LIG1: variants seen among roughly 807,000 people sequenced by gnomAD.
The protein encoded by LIG1 is ligase I, DNA, ATP-dependent.
Under a neutral mutation model 115.7 loss-of-function variants are expected in LIG1, and 70 were observed. The ratio of observed to expected loss-of-function variants is 0.60; its 90% CI spans 0.50 to 0.74. The LOEUF (loss-of-function observed/expected upper bound fraction) is 0.74. Ranked by LOEUF, LIG1 falls within the 30% of genes least tolerant of loss-of-function variation. The probability of loss-of-function intolerance (pLI) is 0.00; values close to 1 mark genes in which losing one functional copy is unlikely to be tolerated. For synonymous variants in LIG1, 487 were observed against 495.3 expected (o/e 0.98, Z 0.22); for missense variants, 1,115 against 1,225.6 (o/e 0.91, Z 1.35).
At chr19:48,150,005 C>A in intron 8 of LIG1, 83 bp downstream of exon 8, 1 of 1,605,080 alleles carries the variant, frequency 6.2e-7, no homozygotes, top group Non-Finnish European at 8.5e-7. Context: ...AGGGTCTTCG[C>A]AGCATCTCAG....
chr19:48,154,053 C>A, intron 5 of LIG1, 86 bp from the exon 6 acceptor site: 1 of 1,083,650 alleles, frequency 9.2e-7, no homozygotes, highest in Non-Finnish European at 1.4e-6. Context: ...GATGTAGCCT[C>A]TGGAAGGCTC....
chr19:48,150,338 T>G, intron 7 of LIG1, 128 bp from the exon 8 acceptor site: 1 of 1,384,250 alleles, frequency 7.2e-7, no homozygotes, highest in East Asian at 2.3e-5. Context: ...CCCTTTTCCT[T>G]TCTGTTAGCT....
intron 11 of LIG1, among the ~76,000 whole-genome samples, chr19:48,142,251 C>G (rs1415196563): frequency 6.6e-6 from 1 of 151,942 alleles, no homozygotes; most frequent in Non-Finnish European, 1.5e-5. Context: ...TCCTGGCTAA[C>G]ACAGTGAAAC....
chr19:48,162,916 T>C (rs921073838), intron 2 of LIG1, among the ~76,000 whole-genome samples: 6 of 118,370 alleles, frequency 5.1e-5, no homozygotes, highest in African/African-American at 1.7e-4. Context: ...CTATGCACTT[T>C]TTAAATCTTT....
In LIG1 at chr19:48,122,740, A is replaced by T. The variant is rs1234450461; in HGVS notation, c.2232+194T>A. ...GGTGCTTGGGCTGGGGCTGTTCTCC[A>T]TCAGAACTCGTGAGCAAGGGCTCGC... On this transcript the variant is annotated intron_variant, in intron 23 of 27. Coordinates refer to ENST00000263274, the MANE Select transcript of LIG1 (RefSeq NM_000234.3). The surrounding 1 kb of genome is among the most constrained non-coding windows in gnomAD (Gnocchi z 4.3). Among the ~76,000 whole-genome samples the T allele has an allele frequency of 6.6e-6, 1 of 152,108 alleles. No individual in the cohort carries two copies. The highest frequency in any genetic ancestry group is 1.5e-5 in the Non-Finnish European group (1 of 68,008).
rs34824188 is a variant in LIG1 at position 48,165,709 on chromosome 19, G to GAAA, written c.-57-89_-57-87dup. 5,139 of 782,704 alleles carry GAAA rather than the reference G, an allele frequency of 6.6e-3. 1 individual carries two copies. The highest frequency in any genetic ancestry group is 7.3e-3 in the South Asian group (448 of 61,174). 48.5% of individuals were successfully genotyped at this position (782,704 alleles called of 1,614,324 possible). A position where few individuals can be genotyped will look rare whatever the true frequency, so the allele number is the denominator to read the frequency against. On this transcript the variant is annotated intron_variant, in intron 1 of 27. Coordinates refer to ENST00000263274, the MANE Select transcript of LIG1 (RefSeq NM_000234.3). The stretch of plus-strand genomic sequence containing the variant: ...TAAAACCCTTTCTTTAAGAAAGAAA[G>GAAA]AAAAAAAAAAACAGAAACATGAATT...
chr19:48,145,033 G>A (rs2035030877), intron 9 of LIG1, among the ~76,000 whole-genome samples: 1 of 152,128 alleles, frequency 6.6e-6, no homozygotes, highest in African/African-American at 2.4e-5. Context: ...TCAGCTTCTT[G>A]AGTAGCTAGG....
At chr19:48,120,281 G>A (rs778568177) in intron 24 of LIG1, 1 of 985,310 alleles carries the variant, frequency 1.0e-6, no homozygotes. Context: ...GGGCATTCAG[G>A]TCCTGTTGCC....
At chr19:48,159,485 C>A (rs2122995104) in intron 4 of LIG1, among the ~76,000 whole-genome samples, 1 of 152,334 alleles carries the variant, frequency 6.6e-6, no homozygotes, top group Non-Finnish European at 1.5e-5. Context: ...AAAGAGATCT[C>A]TATTCTAATA....
intron 23 of LIG1, 46 bp from the exon 24 acceptor site, chr19:48,121,368 C>A (rs153023): frequency 6.5e-7 from 1 of 1,528,752 alleles, no homozygotes; most frequent in Non-Finnish European, 8.8e-7. Flanking sequence ...GCGCCCAAGG[C>A]GGGGCCCTCA....
At chr19:48,157,585 C>A (rs2035931338) in intron 4 of LIG1, among the ~76,000 whole-genome samples, 1 of 152,132 alleles carries the variant, frequency 6.6e-6, no homozygotes. Flanking sequence ...CATTCTGTCG[C>A]CCAGGCTGGA....
rs1425688647 is a variant in LIG1, at chr19:48,115,974, G to A, written c.2584-9C>T. 2 of 1,610,264 alleles carry A rather than the reference G, an allele frequency of 1.2e-6. No individual in the cohort carries two copies. Among genetic ancestry groups the A allele is most frequent in the Admixed American group, 1.7e-5 (1 of 59,898 alleles). On this transcript the variant is annotated splice_polypyrimidine_tract_variant and intron_variant, in intron 26 of 27. Transcript: ENST00000263274. ...CCCTTGTCACTATCCACCTGCGGAA[G>A]CGGGATGGAGACTCCTGCGGTCCAG...
In LIG1 at chr19:48,165,452, A is replaced by G. The variant is rs3730850; in HGVS notation, c.17+98T>C. On this transcript the variant is annotated intron_variant, in intron 2 of 27. Transcript: ENST00000263274. Reference sequence around the variant, plus strand: ...ATTCCAACTCAAAATCTAACGTAAGAGTTTTTGTTTGTTTGTTTGTTTTTT... The same window carrying G: ...ATTCCAACTCAAAATCTAACGTAAGGGTTTTTGTTTGTTTGTTTGTTTTTT... 493,190 of 982,352 alleles carry G rather than the reference A, an allele frequency of 0.5. 125,888 individuals are homozygous for G. Among genetic ancestry groups the G allele is most frequent in the East Asian group, 0.65 (27,159 of 41,724 alleles). 60.9% of individuals were successfully genotyped at this position (982,352 alleles called of 1,614,324 possible). A position where few individuals can be genotyped will look rare whatever the true frequency, so the allele number is the denominator to read the frequency against.
rs1014216537 is a variant in LIG1 at position 48,122,802 on chromosome 19, G to T, written c.2232+132C>A. 1 of 848,664 alleles carries T rather than the reference G, an allele frequency of 1.2e-6. No individual in the cohort carries two copies. Among genetic ancestry groups the T allele is most frequent in the Non-Finnish European group, 2.1e-6 (1 of 486,206 alleles). The allele number at this position is 848,664 out of a possible 1,614,324, so 52.6% of individuals were successfully genotyped here. Reference sequence around the variant, plus strand: ...GGTCTGAACTCAGTTGCAGCAGGGGGCTGGGGTGGGATTGTGAAAAGGGGC... The same window carrying T: ...GGTCTGAACTCAGTTGCAGCAGGGGTCTGGGGTGGGATTGTGAAAAGGGGC... On this transcript the variant is annotated intron_variant, in intron 23 of 27. Transcript: ENST00000263274. This position sits in a 1 kb window ranked among gnomAD's most constrained non-coding sequence, Gnocchi z 4.3.
intron 17 of LIG1, chr19:48,133,540 T>C (rs1010481604): frequency 3.2e-6 from 1 of 315,266 alleles, no homozygotes; most frequent in Non-Finnish European, 6.2e-6. Context: ...CCTCCCTTGC[T>C]CTGGACACTT....
intron 15 of LIG1, 112 bp from the exon 16 acceptor site, chr19:48,135,891 G>GCGCCCCCCCC: frequency 1.6e-5 from 15 of 928,044 alleles, no homozygotes; most frequent in East Asian, 5.5e-5. Flanking sequence ...GGCCCAAGAC[G>GCGCCCCCCCC]CCCCCTCCCC....
Position 48,137,037 on chromosome 19 carries a change from G to A in LIG1, c.1302C>T (p.Cys434=), listed in dbSNP as rs1343955233. Residue 434 remains cysteine, a synonymous_variant, in exon 14 of 28, where the codon TGC becomes TGT. Coordinates refer to ENST00000263274, the MANE Select transcript of LIG1 (RefSeq NM_000234.3). This position sits in a 1 kb window ranked among gnomAD's most constrained non-coding sequence, Gnocchi z 4.3. ...CGATGAACCGGGCTTCTGAGTGGCG[G>A]CAGGCCACAAAGAGGCCTTTGATGA... The part of the protein sequence containing the change: ...IDIIKGLFVA[C]RHSEARFIAR... 6.2e-7 allele frequency: 1 copy of A among 1,612,326 alleles called. No homozygotes were observed. Among genetic ancestry groups the A allele is most frequent in the Non-Finnish European group, 8.5e-7 (1 of 1,179,452 alleles).
chr19:48,134,218 C>T (rs1406792156), intron 16 of LIG1, 152 bp from the exon 17 acceptor site: 9 of 677,650 alleles, frequency 1.3e-5, no homozygotes, highest in Non-Finnish European at 1.6e-5. Flanking sequence ...CACCCTGTCT[C>T]TGTGCTCTCC....
chr19:48,143,809 C>T, intron 10 of LIG1, 74 bp downstream of exon 10: 1 of 1,348,044 alleles, frequency 7.4e-7, no homozygotes, highest in Non-Finnish European at 1.1e-6. Context: ...TTCTCCCAAC[C>T]AAGACTCTGC....
Sources: gnomAD v4.1 joint callset for allele counts (sites outside exome capture counted in the v4.1 genomes callset) on GRCh38, gnomAD v4.1.1 for gene constraint, Gnocchi (gnomAD v3.1) non-coding constraint, MANE v1.5 for transcripts, NCBI Gene and HGNC (gene_info 2026-07-23, HGNC 2026-07-21) for gene names.